Variants in CLIP1 observed in about 807,000 individuals in gnomAD.
CLIP1 encodes CAP-Gly domain containing linker protein 1.
CLIP1 carries 66 observed loss-of-function variants against 161.6 expected under a neutral mutation model. The observed-to-expected ratio is 0.41, with a 90% CI of 0.33 to 0.50. The LOEUF is 0.50. CLIP1 is among the 20% of genes least tolerant of loss of function. The pLI, the probability that CLIP1 is intolerant of heterozygous loss-of-function variation, is 0.27. For missense variants in CLIP1, 1,376 were observed against 1,702.0 expected, an observed-to-expected ratio of 0.81 and a Z score of 3.37; for synonymous variants, 598 against 626.2, an observed-to-expected ratio of 0.96 and a Z score of 0.67.
intron 1 of CLIP1, among the ~76,000 whole-genome samples, chr12:122,389,533 C>A (rs1361659584): frequency 6.6e-6 from 1 of 152,048 alleles, no homozygotes; most frequent in South Asian, 2.1e-4. Flanking sequence ...CCAAAGCCGG[C>A]GGATCACTTG....
At chr12:122,364,807 G>C in intron 3 of CLIP1, 4 of 1,051,888 alleles carry the variant, frequency 3.8e-6, no homozygotes, top group Non-Finnish European at 4.3e-6. Flanking sequence ...CGAAAGAGGA[G>C]AGGCACCCGA....
intron 3 of CLIP1, among the ~76,000 whole-genome samples, chr12:122,374,692 G>A (rs1007779205): frequency 2.0e-5 from 3 of 152,072 alleles, no homozygotes; most frequent in African/African-American, 7.2e-5. Context: ...AACCCAGGAG[G>A]CGGAGGTTAC....
At chr12:122,340,030 G>C (rs755814742) in intron 11 of CLIP1, among the ~76,000 whole-genome samples, 4 of 151,292 alleles carry the variant, frequency 2.6e-5, no homozygotes, top group Admixed American at 1.3e-4. Flanking sequence ...TCATTATGTG[G>C]CACCTGACTA....
At position 122,422,664 on chromosome 12, in the gene CLIP1, C is replaced by A. The variant is rs1485537983; in HGVS notation, c.-250G>T. The A allele has an allele frequency of 1.4e-5, 2 of 144,676 alleles. No homozygotes were observed. Among genetic ancestry groups the A allele is most frequent in the African/African-American group, 5.0e-5 (2 of 40,330 alleles). 9.0% of individuals were successfully genotyped at this position (144,676 alleles called of 1,614,324 possible). On this transcript the variant is annotated 5_prime_UTR_variant, in exon 1 of 26. Coordinates refer to ENST00000620786, the MANE Select transcript of CLIP1 (RefSeq NM_001247997.2). ...CCGCCGCCGCGGGGCCGGGCGGGCGCGCGCTGCCAGGAGAAGACGCCGCGC... is the reference window on the plus strand; with the variant it reads ...CCGCCGCCGCGGGGCCGGGCGGGCGAGCGCTGCCAGGAGAAGACGCCGCGC...
At chr12:122,390,221 TACACACATATATAC>T (rs1374962860) in intron 1 of CLIP1, among the ~76,000 whole-genome samples, 46 of 130,116 alleles carry the variant, frequency 3.5e-4, no homozygotes, top group African/African-American at 1.3e-3. Context: ...CACATATATA[TACACACATATATAC>T]ACACACATAT....
At chr12:122,410,167 T>C (rs1219620130) in intron 1 of CLIP1, among the ~76,000 whole-genome samples, 1 of 151,784 alleles carries the variant, frequency 6.6e-6, no homozygotes, top group African/African-American at 2.4e-5. Context: ...TCACCATGCC[T>C]AGCCTCATTT....
intron 1 of CLIP1, among the ~76,000 whole-genome samples, chr12:122,405,721 G>A (rs1956305946): frequency 6.6e-6 from 1 of 151,306 alleles, no homozygotes; most frequent in Non-Finnish European, 1.5e-5. Flanking sequence ...AAGGGAGGCA[G>A]AGGTTGCAGT....
intron 1 of CLIP1, among the ~76,000 whole-genome samples, chr12:122,407,994 C>T (rs1027377856): frequency 1.3e-5 from 2 of 151,716 alleles, no homozygotes; most frequent in African/African-American, 4.8e-5. Context: ...AATGCCAGCA[C>T]TTTGGGAGGC....
intron 9 of CLIP1, among the ~76,000 whole-genome samples, chr12:122,348,644 C>G (rs1175036850): frequency 6.6e-6 from 1 of 152,192 alleles, no homozygotes; most frequent in African/African-American, 2.4e-5. Flanking sequence ...TTCCCACCCC[C>G]ACCTCTCTTA....
chr12:122,397,245 G>A (rs1955947572), intron 1 of CLIP1, among the ~76,000 whole-genome samples: 1 of 151,816 alleles, frequency 6.6e-6, no homozygotes, highest in Non-Finnish European at 1.5e-5. Flanking sequence ...TTGCCCTTCT[G>A]ATGGCTTGAT....
In CLIP1 at chr12:122,377,253, C is replaced by T. The variant is rs930475589; in HGVS notation, c.657+136G>A. On this transcript the variant is annotated intron_variant, in intron 3 of 25. Transcript: ENST00000620786. The stretch of plus-strand genomic sequence containing the variant: ...TTGAACTCCTGACCTCGTGATCCAC[C>T]CGCCTCAGCCTCCCAAAGTGCTGGG... 8.2e-6 allele frequency: 6 copies of T among 728,808 alleles called. No homozygotes were observed. The African/African-American group carries it at 8.9e-5, about 11-fold the overall frequency. 45.1% of individuals were successfully genotyped at this position (728,808 alleles called of 1,614,324 possible).
intron 1 of CLIP1, among the ~76,000 whole-genome samples, chr12:122,422,054 G>C: frequency 6.6e-6 from 1 of 152,226 alleles, no homozygotes; most frequent in Middle Eastern, 3.4e-3. Flanking sequence ...CGGGCGCCGG[G>C]CACCCGGGGC....
chr12:122,380,356 G>T lies in CLIP1; in HGVS notation c.85+12C>A. ...CATATAGGATAAGGAAAGGAAAAGC[G>T]TAAAGTATTACCAGCCGTAGGTGTC... On this transcript the variant is annotated intron_variant, in intron 2 of 25. Transcript: ENST00000620786. The T allele has an allele frequency of 6.3e-7, 1 of 1,592,230 alleles. No individual in the cohort carries two copies.
intron 1 of CLIP1, chr12:122,399,313 G>T (rs918301589): frequency 6.6e-6 from 1 of 152,126 alleles, no homozygotes; most frequent in African/African-American, 2.4e-5. Flanking sequence ...CCTGTTTTGG[G>T]TATCAAATCC....
At chr12:122,388,283 G>A (rs1200852121) in intron 1 of CLIP1, among the ~76,000 whole-genome samples, 2 of 151,530 alleles carry the variant, frequency 1.3e-5, no homozygotes, top group Admixed American at 6.6e-5. Context: ...GCAGTGGCGC[G>A]ATCTCGGCTC....
At chr12:122,412,929 C>G (rs565537343) in intron 1 of CLIP1, among the ~76,000 whole-genome samples, 2 of 152,224 alleles carry the variant, frequency 1.3e-5, no homozygotes, top group African/African-American at 4.8e-5. Flanking sequence ...TGACTAGATT[C>G]TCAAGATGAC....
chr12:122,399,726 G>A (rs891771417), intron 1 of CLIP1: 1 of 152,074 alleles, frequency 6.6e-6, no homozygotes, highest in South Asian at 2.1e-4. Flanking sequence ...GTTTCAACGC[G>A]GCCCTGCTTC....
chr12:122,281,604 G>A lies in CLIP1; in HGVS notation c.3648-2459C>T, dbSNP rs182145137. Among the ~76,000 whole-genome samples, 331 of 152,046 alleles carry A rather than the reference G, an allele frequency of 2.2e-3. 3 individuals are homozygous for A. Among genetic ancestry groups the A allele is most frequent in the African/African-American group, 7.8e-3 (322 of 41,456 alleles). ...CCAGCTACTAGGGAAGCTGAGGCGG[G>A]AGGATGGCTTGAGGCGGGAGGATGG... On this transcript the variant is annotated intron_variant, in intron 21 of 25. Coordinates refer to ENST00000620786, the MANE Select transcript of CLIP1 (RefSeq NM_001247997.2).
chr12:122,351,127 G>C lies in CLIP1; in HGVS notation c.1385C>G (p.Ser462Cys). ...KGDLEQKSQISEDPENTQTKL... is the reference protein window; with the variant it reads ...KGDLEQKSQICEDPENTQTKL... The stretch of plus-strand genomic sequence containing the variant: ...CCCTCTTACATTCTCAGGATCTTCA[G>C]AAATCTGGCTCTTTTGCTATCAGTA... Residue 462 changes from serine (S) to cysteine (C), a missense_variant, in exon 9 of 26, where the codon TCT becomes TGT. Physicochemically the swap from Ser to Cys is moderately radical, Grantham distance 112. Coordinates refer to ENST00000620786, the MANE Select transcript of CLIP1 (RefSeq NM_001247997.2). The C allele has an allele frequency of 2.0e-6, 3 of 1,519,948 alleles. No homozygotes were observed. The highest frequency in any genetic ancestry group is 2.6e-6 in the Non-Finnish European group (3 of 1,142,180). The allele number at this position is 1,519,948 out of a possible 1,614,324, so 94.2% of individuals were successfully genotyped here.
Sources: allele counts gnomAD v4.1 joint callset (sites outside exome capture counted in the v4.1 genomes callset), GRCh38; gene constraint gnomAD v4.1.1; transcripts MANE v1.5; gene names NCBI Gene and HGNC (gene_info 2026-07-23, HGNC 2026-07-21).